PLCB1: variants seen among roughly 807,000 people sequenced by gnomAD.
The protein encoded by PLCB1 is phospholipase C beta 1.
PLCB1 carries 46 observed loss-of-function variants against 161.8 expected under a neutral mutation model. The ratio of observed to expected loss-of-function variants is 0.28; its 90% CI spans 0.22 to 0.36. The LOEUF (loss-of-function observed/expected upper bound fraction) is 0.36. PLCB1 is among the 10% of genes least tolerant of loss of function. The pLI, the probability that PLCB1 is intolerant of heterozygous loss-of-function variation, is 1.00. For missense variants in PLCB1, 1,016 were observed against 1,472.5 expected (o/e 0.69, Z 5.07); for synonymous variants, 517 against 503.7 (o/e 1.03, Z -0.35).
chr20:8,510,687 G>T (rs539450560), intron 3 of PLCB1, among the ~76,000 whole-genome samples: 1 of 151,986 alleles, frequency 6.6e-6, no homozygotes, highest in Non-Finnish European at 1.5e-5. Context: ...CACCGTGCCC[G>T]GCAACCCTGA....
In PLCB1 at chr20:8,451,238, A is replaced by G. The variant is rs1023376336; in HGVS notation, c.246+79788A>G. Reference sequence around the variant, plus strand: ...AAAAATTTACTCTGTCCTTGCAATAAGAAACACAAAAGAGTTAGTTCAAAG... The same window carrying G: ...AAAAATTTACTCTGTCCTTGCAATAGGAAACACAAAAGAGTTAGTTCAAAG... On this transcript the variant is annotated intron_variant, in intron 3 of 31. Coordinates refer to ENST00000338037, the MANE Select transcript of PLCB1 (RefSeq NM_015192.4). Among the ~76,000 whole-genome samples, 7 of 152,352 alleles carry G rather than the reference A, an allele frequency of 4.6e-5. No homozygotes were observed. The South Asian group carries it at 1.5e-3, about 32-fold the overall frequency.
chr20:8,276,909 CT>C (rs1311663974), intron 2 of PLCB1, among the ~76,000 whole-genome samples: 2 of 150,690 alleles, frequency 1.3e-5, no homozygotes, highest in Non-Finnish European at 1.5e-5. Flanking sequence ...TCTTGGGTAG[CT>C]TCTTCGTCTT....
intron 12 of PLCB1, among the ~76,000 whole-genome samples, chr20:8,710,355 C>G (rs1978931218): frequency 6.6e-6 from 1 of 152,078 alleles, no homozygotes; most frequent in Non-Finnish European, 1.5e-5. Flanking sequence ...GAAATCTCCC[C>G]CATGATCCAA....
chr20:8,384,891 G>A (rs1295871199), intron 3 of PLCB1, among the ~76,000 whole-genome samples: 2 of 152,170 alleles, frequency 1.3e-5, no homozygotes, highest in African/African-American at 2.4e-5. Context: ...CAGCAAAGAT[G>A]GGTGCCTGCT....
intron 3 of PLCB1, among the ~76,000 whole-genome samples, chr20:8,454,849 C>A (rs993777380): frequency 6.6e-6 from 1 of 152,028 alleles, no homozygotes; most frequent in African/African-American, 2.4e-5. Context: ...TTTTACTTAC[C>A]AATTTTATTT....
chr20:8,519,169 A>G (rs1454897598), intron 3 of PLCB1, among the ~76,000 whole-genome samples: 1 of 151,804 alleles, frequency 6.6e-6, no homozygotes, highest in African/African-American at 2.4e-5. Flanking sequence ...TGCCAGACAA[A>G]ATGCCCACTG....
chr20:8,681,130 A>C (rs983358346), intron 9 of PLCB1, among the ~76,000 whole-genome samples: 3 of 115,714 alleles, frequency 2.6e-5, no homozygotes, highest in Non-Finnish European at 3.8e-5. Flanking sequence ...AATATATATA[A>C]AATCAGTGTC....
intron 19 of PLCB1, among the ~76,000 whole-genome samples, chr20:8,734,714 C>G (rs1980489479): frequency 6.6e-6 from 1 of 151,976 alleles, no homozygotes; most frequent in Non-Finnish European, 1.5e-5. Context: ...TTTTAGAATA[C>G]ATTTTACATG....
intron 31 of PLCB1, among the ~76,000 whole-genome samples, chr20:8,827,138 C>T (rs994391234): frequency 4.6e-5 from 7 of 152,172 alleles, no homozygotes; most frequent in Admixed American, 2.6e-4. Flanking sequence ...TTATCCAATG[C>T]TGCATTTTTT....
At chr20:8,522,539 A>T (rs1984393844) in intron 3 of PLCB1, among the ~76,000 whole-genome samples, 1 of 152,114 alleles carries the variant, frequency 6.6e-6, no homozygotes, top group Non-Finnish European at 1.5e-5. Context: ...GGTCAAGCAG[A>T]ATGCAACGCC....
At chr20:8,680,749 A>G (rs1043717601) in intron 9 of PLCB1, among the ~76,000 whole-genome samples, 25 of 152,154 alleles carry the variant, frequency 1.6e-4, no homozygotes, top group Admixed American at 1.0e-3. Context: ...CTTTAATATA[A>G]TTATAAATTA....
At chr20:8,650,761 G>T (rs7273160) in intron 7 of PLCB1, among the ~76,000 whole-genome samples, 19,961 of 152,188 alleles carry the variant, frequency 0.13, 1,614 homozygotes, top group Non-Finnish European at 0.17. Flanking sequence ...AGATGTATAA[G>T]CTATGTAAGC....
chr20:8,667,181 C>G (rs1210407339), intron 9 of PLCB1, among the ~76,000 whole-genome samples: 1 of 152,210 alleles, frequency 6.6e-6, no homozygotes, highest in Non-Finnish European at 1.5e-5. Context: ...GTAGCCAATG[C>G]TTTCATGCCT....
chr20:8,586,411 C>A (rs1472000634), intron 3 of PLCB1, among the ~76,000 whole-genome samples: 2 of 151,878 alleles, frequency 1.3e-5, no homozygotes, highest in African/African-American at 4.8e-5. Context: ...CCGACTCTAG[C>A]CTTTGGCTTT....
At chr20:8,632,049 T>TTG (rs1988613430) in intron 4 of PLCB1, among the ~76,000 whole-genome samples, 3 of 139,798 alleles carry the variant, frequency 2.1e-5, no homozygotes, top group Non-Finnish European at 4.7e-5. Context: ...TTTTTTTTTT[T>TTG]TTTTTTTTTT....
intron 2 of PLCB1, among the ~76,000 whole-genome samples, chr20:8,315,960 C>G (rs1247339492): frequency 6.6e-6 from 1 of 152,206 alleles, no homozygotes; most frequent in Non-Finnish European, 1.5e-5. Context: ...GATATGCAAT[C>G]TTAACTAAAT....
intron 31 of PLCB1, among the ~76,000 whole-genome samples, chr20:8,805,145 T>A (rs950582101): frequency 3.3e-5 from 5 of 152,346 alleles, no homozygotes; most frequent in African/African-American, 9.6e-5. Flanking sequence ...TTACATTTTT[T>A]AATTTGTGAG....
chr20:8,644,446 C>T (rs1261809965), intron 4 of PLCB1, among the ~76,000 whole-genome samples: 1 of 151,084 alleles, frequency 6.6e-6, no homozygotes. Context: ...TCTGCCCCGC[C>T]GCCCCATCTG....
At chr20:8,745,312 T>C (rs1981114497) in intron 23 of PLCB1, among the ~76,000 whole-genome samples, 1 of 152,212 alleles carries the variant, frequency 6.6e-6, no homozygotes, top group Admixed American at 6.5e-5. Context: ...ACTGTGGTTT[T>C]CTCTAAAGAA....
Sources: gnomAD v4.1 joint callset for allele counts (sites outside exome capture counted in the v4.1 genomes callset) on GRCh38, gnomAD v4.1.1 for gene constraint, MANE v1.5 for transcripts, NCBI Gene and HGNC (gene_info 2026-07-23, HGNC 2026-07-21) for gene names.